FRMPD4: variants seen among roughly 807,000 people sequenced by gnomAD.
FRMPD4 encodes FERM and PDZ domain-containing protein 4.
A neutral mutation model predicts 94.1 loss-of-function variants in FRMPD4; 22 were observed. The ratio of observed to expected loss-of-function variants is 0.23; its 90% confidence interval spans 0.17 to 0.33. The LOEUF is 0.33. Ranked by LOEUF, FRMPD4 falls within the 10% of genes least tolerant of loss-of-function variation. The probability of loss-of-function intolerance (pLI) is 1.00; values close to 1 mark genes in which losing one functional copy is unlikely to be tolerated. For missense variants in FRMPD4, 1,111 were observed against 1,339.9 expected, an observed-to-expected ratio of 0.83 and a Z score of 2.67; for synonymous variants, 631 against 548.6, an observed-to-expected ratio of 1.15 and a Z score of -2.10.
chrX:11,933,257 T>C (rs906225477), intron 3 of FRMPD4, among the ~76,000 whole-genome samples: 7 of 112,373 alleles, frequency 6.2e-5, no homozygotes, highest in African/African-American at 9.7e-5. Context: ...CATTGTTTCT[T>C]CCTCTTTAAA....
chrX:12,388,818 G>GATATATATATATATATATATATATAT (rs3068660), intron 1 of FRMPD4, among the ~76,000 whole-genome samples: 1 of 60,737 alleles, frequency 1.6e-5, no homozygotes, highest in African/African-American at 8.4e-5. Flanking sequence ...AAGAAAATGT[G>GATATATATATATATATATATATATAT]ATATATATAT....
intron 2 of FRMPD4, among the ~76,000 whole-genome samples, chrX:11,868,236 G>T (rs1161179664): frequency 9.0e-6 from 1 of 111,544 alleles, no homozygotes; most frequent in Non-Finnish European, 1.9e-5. Context: ...CTCCTCATTT[G>T]TTTCCAAAAG....
chrX:11,997,194 T>G lies in FRMPD4; in HGVS notation c.95+119176T>G, dbSNP rs1271536659. 2.0e-4 allele frequency among the ~76,000 whole-genome samples: 22 copies of G among 110,983 alleles called. No homozygotes were observed. In the Admixed American group the frequency reaches 2.1e-3, roughly 11 times the overall value. On this transcript the variant is annotated intron_variant, in intron 3 of 18. Transcript: ENST00000640291. ...GAAGATTATGAGATAGGGTATGACA[T>G]GAAGGGGCATTTAAGAAAAATGGTT...
chrX:11,886,079 A>C, intron 3 of FRMPD4, among the ~76,000 whole-genome samples: 1 of 111,879 alleles, frequency 8.9e-6, no homozygotes, highest in Non-Finnish European at 1.9e-5. Context: ...GGAGATGCCC[A>C]GAGTAGAGCA....
Position 12,723,526 on chromosome X carries a change from T to A in FRMPD4, c.*1668T>A, listed in dbSNP as rs1197409370. On this transcript the variant is annotated 3_prime_UTR_variant, in exon 17 of 17. Transcript: ENST00000675598. ...TTATAAATAATGTTTAACTAAATAATAAAACATTATTTCATTACAATTATA... is the reference window on the plus strand; with the variant it reads ...TTATAAATAATGTTTAACTAAATAAAAAAACATTATTTCATTACAATTATA... 2.7e-5 allele frequency: 3 copies of A among 112,146 alleles called. No individual in the cohort carries two copies. The Admixed American group carries it at 2.8e-4, about 11-fold the overall frequency. The allele number at this position is 112,146 out of a possible 1,213,427, so 9.2% of individuals were successfully genotyped here.
chrX:12,522,114 C>CA (rs63200862), intron 2 of FRMPD4, among the ~76,000 whole-genome samples: 4,342 of 88,253 alleles, frequency 0.049, 282 homozygotes, highest in African/African-American at 0.17. Context: ...GTTACTTCTT[C>CA]AAAAAAAAAA....
intron 10 of FRMPD4, among the ~76,000 whole-genome samples, chrX:12,703,539 G>T (rs1176632023): frequency 3.6e-5 from 4 of 111,847 alleles, no homozygotes; most frequent in Admixed American, 1.9e-4. Context: ...CCTCTTGAAG[G>T]TCTTCACATA....
At chrX:12,527,151 A>G (rs1285161928) in intron 2 of FRMPD4, among the ~76,000 whole-genome samples, 5 of 112,091 alleles carry the variant, frequency 4.5e-5, no homozygotes, top group African/African-American at 6.5e-5. Context: ...TTGTAAACTC[A>G]TAATTGGTAT....
intron 2 of FRMPD4, among the ~76,000 whole-genome samples, chrX:12,577,421 G>A (rs761303598): frequency 9.0e-6 from 1 of 110,938 alleles, no homozygotes; most frequent in East Asian, 2.8e-4. Flanking sequence ...TGGTGTGGGT[G>A]GTCTGTAGGA....
intron 2 of FRMPD4, among the ~76,000 whole-genome samples, chrX:12,506,526 A>G (rs767970398): frequency 8.9e-6 from 1 of 111,870 alleles, no homozygotes; most frequent in Non-Finnish European, 1.9e-5. Context: ...TGACCTCGTG[A>G]TCTGCCTGCC....
chrX:12,299,680 C>A (rs1391348493), intron 1 of FRMPD4, among the ~76,000 whole-genome samples: 1 of 111,337 alleles, frequency 9.0e-6, no homozygotes, highest in East Asian at 2.8e-4. Flanking sequence ...TAATATTCAA[C>A]AATCAAGTAT....
At chrX:12,714,801 G>A (rs1483825811) in intron 14 of FRMPD4, among the ~76,000 whole-genome samples, 4 of 111,836 alleles carry the variant, frequency 3.6e-5, no homozygotes, top group African/African-American at 1.3e-4. Context: ...CCAAATTGTT[G>A]TTAATAAAAT....
rs1296191266 is a variant in FRMPD4, at chrX:11,860,394, A to G, written c.-160-4692A>G. Among the ~76,000 whole-genome samples the G allele has an allele frequency of 5.4e-5, 6 of 112,072 alleles. No individual in the cohort carries two copies. In the East Asian group the frequency reaches 1.7e-3, roughly 31 times the overall value. On this transcript the variant is annotated intron_variant, in intron 1 of 18. Coordinates refer to the FRMPD4 transcript ENST00000640291. The stretch of plus-strand genomic sequence containing the variant: ...GTTTAACTGGACTGTGTGATTGAAG[A>G]CACTCTGACTCAGGTGGTGTTTGCA...
chrX:12,363,605 T>C (rs1375436105), intron 1 of FRMPD4, among the ~76,000 whole-genome samples: 1 of 112,671 alleles, frequency 8.9e-6, no homozygotes, highest in African/African-American at 3.2e-5. Context: ...CACTCTTCAT[T>C]TCCATGGCCC....
At chrX:12,332,832 G>T (rs1385304943) in intron 1 of FRMPD4, among the ~76,000 whole-genome samples, 1 of 112,011 alleles carries the variant, frequency 8.9e-6, no homozygotes, top group African/African-American at 3.2e-5. Flanking sequence ...TCTTCTTAAA[G>T]ACTTCACTCT....
chrX:12,683,696 T>A (rs1046451984), intron 6 of FRMPD4, 109 bp downstream of exon 6: 18 of 452,424 alleles, frequency 4.0e-5, no homozygotes, highest in Non-Finnish European at 6.2e-5. Flanking sequence ...CTGAAATTGG[T>A]TGTTGGTTTT....
intron 1 of FRMPD4, among the ~76,000 whole-genome samples, chrX:12,420,402 C>A (rs1384969368): frequency 1.8e-5 from 2 of 112,035 alleles, no homozygotes; most frequent in Non-Finnish European, 3.8e-5. Flanking sequence ...CCAGGGTCAT[C>A]CTTCCAAGGC....
intron 10 of FRMPD4, among the ~76,000 whole-genome samples, chrX:12,703,653 G>A (rs769419999): frequency 8.9e-6 from 1 of 112,229 alleles, no homozygotes; most frequent in South Asian, 3.8e-4. Flanking sequence ...GGGGGTGGTA[G>A]TCGTTTCTGG....
intron 2 of FRMPD4, among the ~76,000 whole-genome samples, chrX:12,603,818 T>C (rs2059106034): frequency 9.1e-6 from 1 of 110,264 alleles, no homozygotes; most frequent in Non-Finnish European, 1.9e-5. Flanking sequence ...TAAAAAAAAA[T>C]ATTGCAAGTA....
Sources: gnomAD v4.1 joint callset for allele counts (sites outside exome capture counted in the v4.1 genomes callset) on GRCh38, gnomAD v4.1.1 for gene constraint, MANE v1.5 for transcripts, NCBI Gene and HGNC (gene_info 2026-07-23, HGNC 2026-07-21) for gene names.